Variants in SNX8 observed in about 807,000 individuals in gnomAD.
The protein encoded by SNX8 is sorting nexin 8, also known as sorting nexin-8.
SNX8 carries 25 observed loss-of-function variants against 51.6 expected under a neutral mutation model. That is an observed-to-expected ratio of 0.48 (90% CI 0.35 to 0.68). SNX8 has a LOEUF of 0.68. Ranked by LOEUF, SNX8 falls within the 30% of genes least tolerant of loss-of-function variation. The pLI is 0.00. For missense variants in SNX8, 695 were observed against 624.0 expected, an observed-to-expected ratio of 1.11 and a Z score of -1.21; for synonymous variants, 324 against 277.0, an observed-to-expected ratio of 1.17 and a Z score of -1.68.
intron 4 of SNX8, among the ~76,000 whole-genome samples, chr7:2,271,288 A>T (rs1330445538): frequency 6.6e-6 from 1 of 152,250 alleles, no homozygotes; most frequent in African/African-American, 2.4e-5. Flanking sequence ...GGGACCATCC[A>T]GCCTCGGCCT....
chr7:2,282,173 G>A (rs186354064), intron 1 of SNX8, among the ~76,000 whole-genome samples: 7 of 151,854 alleles, frequency 4.6e-5, no homozygotes, highest in Admixed American at 6.6e-5. Flanking sequence ...GATTTACCAC[G>A]CTCCAATCCG....
At chr7:2,278,330 A>G (rs1166512945) in intron 1 of SNX8, 25 bp from the exon 2 acceptor site, 1 of 1,402,096 alleles carries the variant, frequency 7.1e-7, no homozygotes, top group African/African-American at 1.4e-5. Flanking sequence ...GTGAATGACC[A>G]GTGAGAATAG....
intron 7 of SNX8, among the ~76,000 whole-genome samples, chr7:2,258,770 A>C (rs1235279344): frequency 6.6e-6 from 1 of 152,138 alleles, no homozygotes; most frequent in African/African-American, 2.4e-5. Context: ...AGCGGTGGAC[A>C]CAGGCTCCTC....
chr7:2,297,323 G>T (rs1176270336), intron 1 of SNX8, among the ~76,000 whole-genome samples: 2 of 151,628 alleles, frequency 1.3e-5, no homozygotes, highest in Non-Finnish European at 2.9e-5. Flanking sequence ...GGCCGAGGCG[G>T]GCAGATCACT....
intron 1 of SNX8, among the ~76,000 whole-genome samples, chr7:2,352,675 A>T (rs1779174465): frequency 6.6e-6 from 1 of 151,966 alleles, no homozygotes; most frequent in Admixed American, 6.6e-5. Flanking sequence ...TACTAAAAAA[A>T]TACAAAAAAA....
Position 2,295,641 on chromosome 7 carries a change from T to G in SNX8, c.95-17336A>C, listed in dbSNP as rs570019393. On this transcript the variant is annotated intron_variant, in intron 1 of 10. Transcript: ENST00000222990. Reference sequence around the variant, plus strand: ...AAAGGAAATGTGTTTCTGTTGCTTTTGGGGCCTTGGGCATAAATTCTTTGC... The same window carrying G: ...AAAGGAAATGTGTTTCTGTTGCTTTGGGGGCCTTGGGCATAAATTCTTTGC... 4.6e-5 allele frequency among the ~76,000 whole-genome samples: 7 copies of G among 151,770 alleles called. No individual in the cohort carries two copies. In the East Asian group the frequency reaches 1.4e-3, roughly 29 times the overall value.
intron 1 of SNX8, among the ~76,000 whole-genome samples, chr7:2,293,333 G>T (rs12699820): frequency 0.31 from 46,320 of 151,146 alleles, 8,138 homozygotes; most frequent in East Asian, 0.6. Context: ...TTTATCTAAA[G>T]AAGATGCAGA....
In SNX8 at chr7:2,251,835, A is replaced by G. The variant is rs1039836927; in HGVS notation, c.*3221T>C. Reference sequence around the variant, plus strand: ...ATGTAGGTCATGTGTAAACAATTCCAGTTGTTGGGTATATTGGGTATTGAT... The same window carrying G: ...ATGTAGGTCATGTGTAAACAATTCCGGTTGTTGGGTATATTGGGTATTGAT... On this transcript the variant is annotated 3_prime_UTR_variant, in exon 11 of 11. Transcript: ENST00000222990. 1.3e-5 allele frequency: 2 copies of G among 152,432 alleles called. No homozygotes were observed. Among genetic ancestry groups the G allele is most frequent in the East Asian group, 1.9e-4 (1 of 5,196 alleles). 9.4% of individuals were successfully genotyped at this position (152,432 alleles called of 1,614,324 possible). A position where few individuals can be genotyped will look rare whatever the true frequency, so the allele number is the denominator to read the frequency against.
intron 1 of SNX8, among the ~76,000 whole-genome samples, chr7:2,295,611 A>AAAAAAAAAAG (rs1796257524): frequency 7.7e-6 from 1 of 130,352 alleles, no homozygotes; most frequent in African/African-American, 2.6e-5. Flanking sequence ...AAAAAAAAAA[A>AAAAAAAAAAG]AAAAAAAGGA....
At chr7:2,335,248 C>T (rs1452945771) in intron 1 of SNX8, among the ~76,000 whole-genome samples, 1 of 151,928 alleles carries the variant, frequency 6.6e-6, no homozygotes, top group Non-Finnish European at 1.5e-5. Flanking sequence ...GCCAGAGGTT[C>T]ATGAACAGCC....
intron 1 of SNX8, among the ~76,000 whole-genome samples, chr7:2,285,992 T>C (rs901457248): frequency 6.6e-6 from 1 of 151,976 alleles, no homozygotes; most frequent in African/African-American, 2.4e-5. Context: ...CTAGGTTGTA[T>C]ACTTTAAACA....
intron 7 of SNX8, among the ~76,000 whole-genome samples, chr7:2,260,048 G>A (rs1795298936): frequency 6.6e-6 from 1 of 151,756 alleles, no homozygotes; most frequent in Non-Finnish European, 1.5e-5. Context: ...AAGGAAGGAA[G>A]GTAGGTAGGT....
intron 1 of SNX8, among the ~76,000 whole-genome samples, chr7:2,331,832 A>G (rs192407418): frequency 6.6e-6 from 1 of 152,212 alleles, no homozygotes; most frequent in East Asian, 1.9e-4. Context: ...GTGAGTCAAG[A>G]TCACGCCACT....
At chr7:2,304,041 C>T (rs1231131650) in intron 1 of SNX8, among the ~76,000 whole-genome samples, 29 of 150,596 alleles carry the variant, frequency 1.9e-4, no homozygotes, top group Non-Finnish European at 7.4e-5. Context: ...GTGGCGGGCG[C>T]CTGTAGTCCC....
intron 1 of SNX8, among the ~76,000 whole-genome samples, chr7:2,342,171 C>T (rs1314033550): frequency 6.6e-6 from 1 of 150,638 alleles, no homozygotes; most frequent in African/African-American, 2.4e-5. Flanking sequence ...AAGAGGGAAA[C>T]GCTGTCTCAA....
chr7:2,261,000 C>T (rs187811038), intron 7 of SNX8, among the ~76,000 whole-genome samples: 4 of 152,340 alleles, frequency 2.6e-5, no homozygotes, highest in African/African-American at 7.2e-5. Context: ...CTGCAGAGCC[C>T]CAGGGCACTC....
intron 1 of SNX8, among the ~76,000 whole-genome samples, chr7:2,278,511 T>G (rs568349586): frequency 5.6e-4 from 85 of 152,276 alleles, no homozygotes; most frequent in African/African-American, 2.0e-3. Context: ...AAGTGCAGCC[T>G]CCCTCTGCTG....
intron 1 of SNX8, among the ~76,000 whole-genome samples, chr7:2,313,058 T>C (rs62442540): frequency 0.27 from 41,642 of 151,630 alleles, 5,838 homozygotes; most frequent in Middle Eastern, 0.47. Context: ...CCACCGCGCC[T>C]GGCTAATTTT....
upstream of SNX8, among the ~76,000 whole-genome samples, chr7:2,316,287 ACTC>A (rs978112644): frequency 1.5e-5 from 2 of 130,964 alleles, no homozygotes; most frequent in African/African-American, 3.1e-5. Flanking sequence ...TCACACAACC[ACTC>A]ACTCACTCAC....
Sources: allele counts gnomAD v4.1 joint callset (sites outside exome capture counted in the v4.1 genomes callset), GRCh38; gene constraint gnomAD v4.1.1; transcripts MANE v1.5; gene names NCBI Gene and HGNC (gene_info 2026-07-23, HGNC 2026-07-21).